OSBPL1A: variants seen among roughly 807,000 people sequenced by gnomAD.
The protein encoded by OSBPL1A is oxysterol binding protein like 1A, also known as oxysterol-binding protein-related protein 1.
OSBPL1A carries 80 observed loss-of-function variants against 137.1 expected under a neutral mutation model. The observed-to-expected ratio is 0.58, with a 90% CI of 0.49 to 0.70. The LOEUF is 0.70. Among genes scored for constraint, OSBPL1A ranks in the 30% least tolerant of loss-of-function variants. The pLI is 0.00. For synonymous variants in OSBPL1A, 365 were observed against 389.7 expected (o/e 0.94, Z 0.75); for missense variants, 970 against 1,129.4 (o/e 0.86, Z 2.02).
At chr18:24,228,014 T>C (rs770016492) in intron 16 of OSBPL1A, among the ~76,000 whole-genome samples, 4 of 152,002 alleles carry the variant, frequency 2.6e-5, no homozygotes, top group Non-Finnish European at 5.9e-5. Flanking sequence ...GACATAAACA[T>C]TAAACACGGA....
chr18:24,320,825 C>T (rs553204906), intron 7 of OSBPL1A, among the ~76,000 whole-genome samples: 2 of 151,816 alleles, frequency 1.3e-5, no homozygotes, highest in African/African-American at 4.8e-5. Flanking sequence ...GTCAGGAGTT[C>T]GAGACCAGCC....
intron 5 of OSBPL1A, among the ~76,000 whole-genome samples, chr18:24,340,397 G>A (rs2091254800): frequency 6.6e-6 from 1 of 152,204 alleles, no homozygotes. Flanking sequence ...AGAATACCAG[G>A]CACAGTGGCT....
At chr18:24,163,463 T>C (rs1463468566) in intron 27 of OSBPL1A, among the ~76,000 whole-genome samples, 182 bp from the exon 28 acceptor site, 3 of 152,200 alleles carry the variant, frequency 2.0e-5, no homozygotes, top group African/African-American at 7.2e-5. Context: ...TGTGGAATAA[T>C]ATTCCAAAAG....
chr18:24,321,040 A>AT (rs1555650632), intron 7 of OSBPL1A, among the ~76,000 whole-genome samples: 84 of 146,110 alleles, frequency 5.7e-4, no homozygotes, highest in African/African-American at 2.1e-3. Flanking sequence ...AAAAAAAAAA[A>AT]AAAAAGAAAA....
At chr18:24,249,223 G>A (rs1434171849) in intron 15 of OSBPL1A, among the ~76,000 whole-genome samples, 2 of 152,120 alleles carry the variant, frequency 1.3e-5, no homozygotes, top group African/African-American at 4.8e-5. Context: ...GCACTTAGAG[G>A]ATTATATTCC....
chr18:24,176,060 C>T (rs965386651), intron 21 of OSBPL1A, among the ~76,000 whole-genome samples: 1 of 152,210 alleles, frequency 6.6e-6, no homozygotes, highest in Non-Finnish European at 1.5e-5. Flanking sequence ...TAGCATTAAG[C>T]CTTAAAATTG....
At chr18:24,395,272 C>A (rs1403226278) in intron 1 of OSBPL1A, among the ~76,000 whole-genome samples, 1 of 152,198 alleles carries the variant, frequency 6.6e-6, no homozygotes, top group African/African-American at 2.4e-5. Flanking sequence ...CTCACACGCA[C>A]TTGATATCAT....
chr18:24,393,500 T>G (rs1371492963), intron 1 of OSBPL1A, among the ~76,000 whole-genome samples: 1 of 152,242 alleles, frequency 6.6e-6, no homozygotes, highest in Non-Finnish European at 1.5e-5. Context: ...TCGCCTAGGC[T>G]GGAGTGCAGT....
intron 14 of OSBPL1A, among the ~76,000 whole-genome samples, chr18:24,284,332 G>A (rs1389686837): frequency 6.6e-6 from 1 of 152,040 alleles, no homozygotes; most frequent in African/African-American, 2.4e-5. Flanking sequence ...ATGAATAAAC[G>A]CAAAAAGGCC....
At chr18:24,344,973 C>T (rs546512803) in intron 4 of OSBPL1A, among the ~76,000 whole-genome samples, 6 of 151,878 alleles carry the variant, frequency 4.0e-5, no homozygotes, top group Non-Finnish European at 8.8e-5. Flanking sequence ...GCCACCATGT[C>T]TGGCTAATTT....
At chr18:24,239,611 T>C (rs1340311146) in intron 15 of OSBPL1A, among the ~76,000 whole-genome samples, 2 of 152,166 alleles carry the variant, frequency 1.3e-5, no homozygotes. Flanking sequence ...GATTCAGAAC[T>C]AGCAAATAAA....
At chr18:24,374,999 A>C (rs1905977994) in intron 2 of OSBPL1A, among the ~76,000 whole-genome samples, 1 of 152,160 alleles carries the variant, frequency 6.6e-6, no homozygotes, top group Non-Finnish European at 1.5e-5. Context: ...AAGGGAGATC[A>C]AGACTTTATC....
chr18:24,187,613 G>A (rs1042015842), intron 18 of OSBPL1A, among the ~76,000 whole-genome samples: 1 of 152,138 alleles, frequency 6.6e-6, no homozygotes, highest in African/African-American at 2.4e-5. Context: ...ATAGTGCCAG[G>A]CATCTGTTAA....
chr18:24,172,492 C>G lies in OSBPL1A; in HGVS notation c.2094-9G>C, dbSNP rs751845508. ...TATATGCCTCATTGTGTCTAAAAAA[C>G]AAAACCAAACCCAGAAGCATAAGTG... On this transcript the variant is annotated splice_polypyrimidine_tract_variant and intron_variant, in intron 21 of 27. Coordinates refer to ENST00000319481, the MANE Select transcript of OSBPL1A (RefSeq NM_080597.4). 1 of 1,585,078 alleles carries G rather than the reference C, an allele frequency of 6.3e-7. No individual in the cohort carries two copies.
chr18:24,334,488 C>G (rs954681559), intron 5 of OSBPL1A, among the ~76,000 whole-genome samples, 158 bp from the exon 6 acceptor site: 6 of 152,164 alleles, frequency 3.9e-5, no homozygotes, highest in African/African-American at 1.4e-4. Flanking sequence ...ATTCAGATTA[C>G]AGAATTCTAT....
intron 27 of OSBPL1A, among the ~76,000 whole-genome samples, chr18:24,164,577 C>T (rs887135471): frequency 5.9e-5 from 9 of 152,048 alleles, no homozygotes; most frequent in Non-Finnish European, 7.4e-5. Flanking sequence ...TACAGGCGCC[C>T]GCCACCACGC....
chr18:24,224,864 T>C (rs1275817346), intron 17 of OSBPL1A, among the ~76,000 whole-genome samples, 178 bp downstream of exon 17: 1 of 152,252 alleles, frequency 6.6e-6, no homozygotes, highest in Non-Finnish European at 1.5e-5. Context: ...CAATTATAGA[T>C]GATTCTCTTA....
At chr18:24,281,048 C>T in intron 14 of OSBPL1A, 100 bp from the exon 15 acceptor site, 1 of 673,990 alleles carries the variant, frequency 1.5e-6, no homozygotes, top group Non-Finnish European at 2.3e-6. Flanking sequence ...CTCATCTTTC[C>T]ATCTAGCTAT....
intron 14 of OSBPL1A, among the ~76,000 whole-genome samples, chr18:24,292,612 C>T (rs1035008043): frequency 2.0e-5 from 3 of 152,070 alleles, no homozygotes; most frequent in Non-Finnish European, 4.4e-5. Context: ...AATCGGCAAA[C>T]AGGTAAAAAT....
Sources: allele counts gnomAD v4.1 joint callset (sites outside exome capture counted in the v4.1 genomes callset), GRCh38; gene constraint gnomAD v4.1.1; transcripts MANE v1.5; gene names NCBI Gene and HGNC (gene_info 2026-07-23, HGNC 2026-07-21).